PDLIM2: variants seen among roughly 807,000 people sequenced by gnomAD.
The protein encoded by PDLIM2 is PDZ and LIM domain protein 2.
Under a neutral mutation model 54.1 loss-of-function variants are expected in PDLIM2, and 51 were observed. The observed-to-expected ratio is 0.94, with a 90% CI of 0.75 to 1.19. PDLIM2 has a LOEUF of 1.19. Among genes scored for constraint, PDLIM2 ranks in the 50% most tolerant of loss-of-function variants. PDLIM2 has a pLI of 0.00. For synonymous variants in PDLIM2, 398 were observed against 385.6 expected (o/e 1.03, Z -0.38); for missense variants, 912 against 874.0 (o/e 1.04, Z -0.55).
exon 1 of PDLIM2, chr8:22,579,348 C>T (rs1200459367): frequency 6.8e-7 from 1 of 1,466,794 alleles, no homozygotes; most frequent in Non-Finnish European, 9.0e-7. Context: ...AGCCTCGCAT[C>T]AGCGGGGGCG....
chr8:22,580,865 G>C (rs1343653258), intron 2 of PDLIM2, 168 bp downstream of exon 1: 1 of 793,810 alleles, frequency 1.3e-6, no homozygotes, highest in Non-Finnish European at 2.2e-6. Context: ...ACGGGGATGT[G>C]GTGGCCACTT....
intron 6 of PDLIM2, 110 bp from the exon 6 acceptor site, chr8:22,589,180 TCGGCGAGG>T: frequency 1.0e-6 from 1 of 1,004,824 alleles, no homozygotes; most frequent in Non-Finnish European, 1.5e-6. Context: ...GGTCCGCTGG[TCGGCGAGG>T]GCCGGGGGCC....
At chr8:22,586,688 C>T (rs1000049085) in intron 6 of PDLIM2, among the ~76,000 whole-genome samples, 8 of 152,096 alleles carry the variant, frequency 5.3e-5, no homozygotes, top group East Asian at 3.9e-4. Flanking sequence ...GGCTCTGTTC[C>T]GCGACACCTC....
rs952859949 is a variant in PDLIM2 at position 22,580,836 on chromosome 8, G to A, written c.843+139G>A. On this transcript the variant is annotated intron_variant, in intron 2 of 9. Coordinates refer to ENST00000308354, the Ensembl canonical transcript of PDLIM2. ...TGCTGCCTGGCGTGCTGGCTGTAAGGGAGCCGTGGCCCTTTGCCACGGGGA... is the reference window on the plus strand; with the variant it reads ...TGCTGCCTGGCGTGCTGGCTGTAAGAGAGCCGTGGCCCTTTGCCACGGGGA... 1.4e-4 allele frequency: 135 copies of A among 990,058 alleles called. 4 individuals carry two copies. In the South Asian group the frequency reaches 1.7e-3, roughly 13 times the overall value. 61.3% of individuals were successfully genotyped at this position (990,058 alleles called of 1,614,324 possible).
exon 1 of PDLIM2, chr8:22,579,471 C>T (rs372134518): frequency 6.6e-7 from 1 of 1,515,926 alleles, no homozygotes; most frequent in Admixed American, 2.0e-5. Flanking sequence ...GCCGGGCCAT[C>T]GGGCTGGGCA....
intron 3 of PDLIM2, among the ~76,000 whole-genome samples, chr8:22,582,578 AT>A (rs778664391): frequency 0.015 from 1,937 of 126,028 alleles, 28 homozygotes; most frequent in African/African-American, 0.051. Context: ...CAGTCTCTTA[AT>A]TTTTTTTTTT....
intron 3 of PDLIM2, among the ~76,000 whole-genome samples, chr8:22,583,950 C>T (rs78353389): frequency 0.034 from 5,005 of 147,574 alleles, 285 homozygotes; most frequent in African/African-American, 0.12. Flanking sequence ...AAGTTATGTA[C>T]GTTCTACTTT....
chr8:22,580,415 G>A, intron 1 of PDLIM2, 60 bp from the exon 1 acceptor site: 1 of 1,366,392 alleles, frequency 7.3e-7, no homozygotes, highest in Non-Finnish European at 9.7e-7. Flanking sequence ...TCCCAGGGTG[G>A]GGGGAAGTGA....
In PDLIM2 at chr8:22,589,746, G is replaced by A. The variant is rs764305243; in HGVS notation, c.1513+5G>A. 1 of 1,561,688 alleles carries A rather than the reference G, an allele frequency of 6.4e-7. No homozygotes were observed. Among genetic ancestry groups the A allele is most frequent in the South Asian group, 1.2e-5 (1 of 84,816 alleles). On this transcript the variant is annotated splice_donor_5th_base_variant and intron_variant, in intron 8 of 9. Coordinates refer to ENST00000308354, the Ensembl canonical transcript of PDLIM2. ...CCCTGGAGGCTGAGGAGAGAGGTGA[G>A]GGTCTGGGGGGCTGGGGAGGGGAAG...
At chr8:22,594,135 A>G (rs1048505847) in exon 10 of PDLIM2, 9 of 1,422,856 alleles carry the variant, frequency 6.3e-6, no homozygotes, top group Non-Finnish European at 8.2e-6. Flanking sequence ...GCATTGCACT[A>G]GTCTGAGGTG....
intron 5 of PDLIM2, 75 bp downstream of exon 4, chr8:22,585,237 G>C (rs1431372066): frequency 6.2e-7 from 1 of 1,602,948 alleles, no homozygotes; most frequent in African/African-American, 1.3e-5. Context: ...AGTCTCAGGA[G>C]CTCTGCTTGG....
chr8:22,580,267 G>A (rs920822873), intron 1 of PDLIM2: 2 of 381,120 alleles, frequency 5.2e-6, no homozygotes, highest in Non-Finnish European at 9.9e-6. Flanking sequence ...GACTGAGGGG[G>A]TGCTGGCATC....
At chr8:22,584,041 G>T (rs117291915) in intron 3 of PDLIM2, among the ~76,000 whole-genome samples, 11,142 of 151,670 alleles carry the variant, frequency 0.073, 546 homozygotes, top group Non-Finnish European at 0.11. Context: ...TCACTCTGTC[G>T]CCCAGCCTGG....
chr8:22,580,903 A>T, intron 2 of PDLIM2: 1 of 715,530 alleles, frequency 1.4e-6, no homozygotes, highest in South Asian at 1.5e-5. Flanking sequence ...AGTGAAAGGG[A>T]GCTGGGACCA....
intron 9 of PDLIM2, chr8:22,593,499 C>A (rs576333499): frequency 3.9e-6 from 2 of 506,694 alleles, no homozygotes; most frequent in South Asian, 6.0e-5. Flanking sequence ...ATCGCTTGAA[C>A]CCGGAAGGTA....
intron 3 of PDLIM2, among the ~76,000 whole-genome samples, chr8:22,582,916 C>CA (rs1563861305): frequency 1.7e-5 from 2 of 114,778 alleles, no homozygotes; most frequent in East Asian, 3.4e-4. Flanking sequence ...CCCACCCCCC[C>CA]CCCCGCCCCC....
chr8:22,581,384 C>A, exon 3 of PDLIM2: 1 of 1,600,522 alleles, frequency 6.2e-7, no homozygotes, highest in East Asian at 2.3e-5. Flanking sequence ...TACAGGTGGC[C>A]GAGCGGGGCA....
chr8:22,584,263 C>T (rs1206627705), intron 3 of PDLIM2, among the ~76,000 whole-genome samples: 1 of 151,836 alleles, frequency 6.6e-6, no homozygotes, highest in African/African-American at 2.4e-5. Flanking sequence ...ATTCACCCTC[C>T]TTGGCCTCCC....
At chr8:22,595,966 T>C (rs982116685), downstream of PDLIM2, 1 of 153,298 alleles carries the variant, frequency 6.5e-6, no homozygotes. Flanking sequence ...TTTAAGTTTT[T>C]TTTTTTTTTT....
Sources: gnomAD v4.1 joint callset for allele counts (sites outside exome capture counted in the v4.1 genomes callset) on GRCh38, gnomAD v4.1.1 for gene constraint, MANE v1.5 for transcripts, NCBI Gene and HGNC (gene_info 2026-07-23, HGNC 2026-07-21) for gene names.